CDC73: variants seen among roughly 807,000 people sequenced by gnomAD.
CDC73 encodes the protein cell division cycle 73.
A neutral mutation model predicts 83.7 loss-of-function variants in CDC73; 21 were observed. The ratio of observed to expected loss-of-function variants is 0.25; its 90% CI spans 0.18 to 0.36. The LOEUF (loss-of-function observed/expected upper bound fraction) is 0.36, where lower values mean the gene tolerates loss of function less well. CDC73 is among the 10% of genes least tolerant of loss of function. CDC73 has a pLI of 1.00. For synonymous variants in CDC73, 224 were observed against 212.9 expected, an observed-to-expected ratio of 1.05 and a Z score of -0.45; for missense variants, 342 against 653.3, an observed-to-expected ratio of 0.52 and a Z score of 5.19.
rs886764112 is a variant in CDC73, at chr1:193,252,448, T to G, written c.*1736T>G. ...CAAGTCAGTATGAACTACCTTCCCA[T>G]AAAGATTTTTGGTATTTGTACTTAT... On this transcript the variant is annotated 3_prime_UTR_variant, in exon 17 of 17. Transcript: ENST00000367435. The G allele has an allele frequency of 8.7e-6, 2 of 229,916 alleles. No individual in the cohort carries two copies. The highest frequency in any genetic ancestry group is 1.7e-5 in the Non-Finnish European group (2 of 116,074). The allele number at this position is 229,916 out of a possible 1,614,324, so 14.2% of individuals were successfully genotyped here.
At chr1:193,236,454 C>A in intron 15 of CDC73, 98 bp downstream of exon 15, 1 of 803,952 alleles carries the variant, frequency 1.2e-6, no homozygotes. Context: ...ATGTGTATGT[C>A]AAAAGATTGC....
intron 10 of CDC73, among the ~76,000 whole-genome samples, chr1:193,188,978 GAGTTTTGCTCTAT>G (rs1676874168): frequency 6.8e-6 from 1 of 148,010 alleles, no homozygotes; most frequent in Admixed American, 6.7e-5. Context: ...TTTGGAGACA[GAGTTTTGCTCTAT>G]TGCCCAGGCT....
chr1:193,172,584 A>C (rs1553283220), intron 10 of CDC73, among the ~76,000 whole-genome samples: 3 of 151,994 alleles, frequency 2.0e-5, no homozygotes, highest in Non-Finnish European at 2.9e-5. Context: ...AGTTCTTGTC[A>C]TTTTTTTGAC....
chr1:193,205,208 CT>C (rs61054810), intron 11 of CDC73, among the ~76,000 whole-genome samples: 10 of 82,516 alleles, frequency 1.2e-4, no homozygotes, highest in African/African-American at 6.0e-4. Flanking sequence ...CCCCCCCCCC[CT>C]TTTTTTTTAA....
At position 193,251,581 on chromosome 1, in the gene CDC73, A is replaced by AAT; in HGVS notation, c.*869_*870insAT. On this transcript the variant is annotated 3_prime_UTR_variant, in exon 17 of 17. Coordinates refer to ENST00000367435, the MANE Select transcript of CDC73 (RefSeq NM_024529.5). ...TATAGGATTTTGAATCTTCTATTTT[A>AAT]GGCTTGTCAGTCTTGGAGTTCTTAT... 4.3e-6 allele frequency: 1 copy of AAT among 232,220 alleles called. No homozygotes were observed. Among genetic ancestry groups the AAT allele is most frequent in the East Asian group, 6.1e-5 (1 of 16,396 alleles). 14.4% of individuals were successfully genotyped at this position (232,220 alleles called of 1,614,324 possible).
At chr1:193,233,605 G>T (rs1475574340) in intron 14 of CDC73, among the ~76,000 whole-genome samples, 1 of 152,158 alleles carries the variant, frequency 6.6e-6, no homozygotes, top group Non-Finnish European at 1.5e-5. Context: ...GGAAAACCCA[G>T]TGTAAAAAAT....
chr1:193,159,622 A>G (rs377636984), intron 10 of CDC73, among the ~76,000 whole-genome samples: 2 of 152,178 alleles, frequency 1.3e-5, no homozygotes. Context: ...TCAGCCTCCC[A>G]AAGTGCTTGG....
At chr1:193,127,567 T>C (rs1162362209) in intron 2 of CDC73, among the ~76,000 whole-genome samples, 3 of 152,156 alleles carry the variant, frequency 2.0e-5, no homozygotes, top group Non-Finnish European at 2.9e-5. Context: ...TTCATTTTAG[T>C]GTAACAAAGA....
intron 13 of CDC73, among the ~76,000 whole-genome samples, chr1:193,226,479 T>C (rs1488634462): frequency 6.6e-6 from 1 of 152,218 alleles, no homozygotes; most frequent in Non-Finnish European, 1.5e-5. Flanking sequence ...TTTTATTGCA[T>C]TGAGGTATGT....
At chr1:193,132,635 G>C (rs957882033) in intron 3 of CDC73, among the ~76,000 whole-genome samples, 1 of 150,788 alleles carries the variant, frequency 6.6e-6, no homozygotes, top group Non-Finnish European at 1.5e-5. Context: ...TTTAATCAAA[G>C]CAAATTTGAT....
At chr1:193,145,232 T>C (rs191278773) in intron 7 of CDC73, among the ~76,000 whole-genome samples, 274 of 152,324 alleles carry the variant, frequency 1.8e-3, no homozygotes, top group African/African-American at 6.3e-3. Flanking sequence ...GCAAAAAGTT[T>C]ATGGATGTGG....
At chr1:193,123,942 A>G (rs1049942449) in intron 1 of CDC73, among the ~76,000 whole-genome samples, 2 of 152,266 alleles carry the variant, frequency 1.3e-5, no homozygotes, top group Admixed American at 1.3e-4. Flanking sequence ...GTTCACATCC[A>G]ACAAAGTTTT....
intron 10 of CDC73, among the ~76,000 whole-genome samples, chr1:193,195,911 T>TA (rs1336204668): frequency 3.3e-5 from 5 of 152,174 alleles, no homozygotes; most frequent in Admixed American, 3.3e-4. Flanking sequence ...ATTAATTTCT[T>TA]ATATGTGTGA....
chr1:193,130,590 C>T (rs1675677584), intron 3 of CDC73, among the ~76,000 whole-genome samples: 1 of 152,148 alleles, frequency 6.6e-6, no homozygotes, highest in Non-Finnish European at 1.5e-5. Context: ...GTTTTTGATC[C>T]CACATTCCTA....
intron 1 of CDC73, 113 bp downstream of exon 1, chr1:193,122,444 G>A (rs890486370): frequency 1.4e-6 from 2 of 1,384,706 alleles, no homozygotes; most frequent in African/African-American, 2.9e-5. Context: ...TAAAACGGGT[G>A]TTCGGGGAAA....
chr1:193,150,185 C>T lies in CDC73; in HGVS notation c.829-119C>T, dbSNP rs1676080972. 6 of 713,798 alleles carry T rather than the reference C, an allele frequency of 8.4e-6. No homozygotes were observed. In the Admixed American group the frequency reaches 1.2e-4, roughly 14 times the overall value. The allele number at this position is 713,798 out of a possible 1,614,324, so 44.2% of individuals were successfully genotyped here. On this transcript the variant is annotated intron_variant, in intron 8 of 16. Coordinates refer to ENST00000367435, the MANE Select transcript of CDC73 (RefSeq NM_024529.5). ...ACTTGGAAGGCTGAGGTGGGAGGATCACTTGGGCCCAGGAGGTCTTGGCTG... is the reference window on the plus strand; with the variant it reads ...ACTTGGAAGGCTGAGGTGGGAGGATTACTTGGGCCCAGGAGGTCTTGGCTG...
chr1:193,184,976 T>TGAGCCC (rs1363430139), intron 10 of CDC73, among the ~76,000 whole-genome samples: 1 of 152,036 alleles, frequency 6.6e-6, no homozygotes, highest in African/African-American at 2.4e-5. Flanking sequence ...AGAAATATCT[T>TGAGCCC]TAAGTTCTTG....
chr1:193,234,175 T>TCATACA, intron 14 of CDC73, among the ~76,000 whole-genome samples: 1 of 101,408 alleles, frequency 9.9e-6, no homozygotes, highest in East Asian at 2.6e-4. Context: ...TCTCTCTCTC[T>TCATACA]CACACACACA....
chr1:193,236,713 G>C (rs1245595248), intron 15 of CDC73: 1 of 284,562 alleles, frequency 3.5e-6, no homozygotes, highest in African/African-American at 2.2e-5. Flanking sequence ...TAACCAACAT[G>C]ATGAAACCCT....
Sources: allele counts gnomAD v4.1 joint callset (sites outside exome capture counted in the v4.1 genomes callset), GRCh38; gene constraint gnomAD v4.1.1; transcripts MANE v1.5; gene names NCBI Gene and HGNC (gene_info 2026-07-23, HGNC 2026-07-21).